RNMT: variants seen among roughly 807,000 people sequenced by gnomAD.
RNMT encodes the protein mRNA cap guanine-N(7) methyltransferase.
RNMT carries 27 observed loss-of-function variants against 56.0 expected under a neutral mutation model. The observed-to-expected ratio is 0.48, with a 90% CI of 0.36 to 0.67. RNMT has a LOEUF of 0.67. Among genes scored for constraint, RNMT ranks in the 30% least tolerant of loss-of-function variants. RNMT has a pLI of 0.00. For missense variants in RNMT, 519 were observed against 552.1 expected (o/e 0.94, Z 0.60); for synonymous variants, 184 against 176.2 (o/e 1.04, Z -0.35).
intron 9 of RNMT, among the ~76,000 whole-genome samples, chr18:13,750,873 C>T (rs1489246935): frequency 2.0e-5 from 3 of 151,990 alleles, no homozygotes; most frequent in Non-Finnish European, 4.4e-5. Context: ...GAAAGGATTC[C>T]CTATTTAATA....
intron 11 of RNMT, among the ~76,000 whole-genome samples, chr18:13,757,307 TGA>T (rs1353038392): frequency 6.6e-6 from 1 of 152,108 alleles, no homozygotes; most frequent in Non-Finnish European, 1.5e-5. Context: ...TTTGCCTCAT[TGA>T]TTGACCATTC....
In RNMT at chr18:13,744,159, C is replaced by CTTTTTTT. The variant is rs201093998; in HGVS notation, c.1139+1527_1139+1533dup. Among the ~76,000 whole-genome samples, 36 of 91,410 alleles carry CTTTTTTT rather than the reference C, an allele frequency of 3.9e-4. 3 individuals are homozygous for CTTTTTTT. The highest frequency in any genetic ancestry group is 6.8e-4 in the Non-Finnish European group (31 of 45,802). The allele number at this position is 91,410 out of a possible 152,430, so 60.0% of individuals were successfully genotyped here. A position where few individuals can be genotyped will look rare whatever the true frequency, so the allele number is the denominator to read the frequency against. ...ATGCTAAACAAGACCTAGCGGTCTT[C>CTTTTTTT]TTTTTTTTTTTTTTTTTTTTTTTTT... On this transcript the variant is annotated intron_variant, in intron 8 of 11. Coordinates refer to ENST00000383314, the MANE Select transcript of RNMT (RefSeq NM_003799.3).
Position 13,761,251 on chromosome 18 carries a change from A to C in RNMT, c.*1272A>C. 1.0e-6 allele frequency: 1 copy of C among 985,454 alleles called. No individual in the cohort carries two copies. The highest frequency in any genetic ancestry group is 1.2e-6 in the Non-Finnish European group (1 of 829,928). The allele number at this position is 985,454 out of a possible 1,614,324, so 61.0% of individuals were successfully genotyped here. A position where few individuals can be genotyped will look rare whatever the true frequency, so the allele number is the denominator to read the frequency against. ...CTTCTGCAGCCTGTGAATCTCCACA[A>C]AGTGTTACCAGTTTACAAAAATAAG... On this transcript the variant is annotated 3_prime_UTR_variant, in exon 12 of 12. Transcript: ENST00000383314.
At position 13,764,237 on chromosome 18, in the gene RNMT, G is replaced by A. The variant is rs575237604; in HGVS notation, c.*4258G>A. On this transcript the variant is annotated 3_prime_UTR_variant, in exon 12 of 12. Coordinates refer to ENST00000383314, the MANE Select transcript of RNMT (RefSeq NM_003799.3). Reference sequence around the variant, plus strand: ...TCATTTTGTTTAACTTTTTATTAAAGTGTAACTATAGAAACACATCAATGA... The same window carrying A: ...TCATTTTGTTTAACTTTTTATTAAAATGTAACTATAGAAACACATCAATGA... The A allele has an allele frequency of 2.0e-5, 3 of 152,258 alleles. No individual in the cohort carries two copies. Among genetic ancestry groups the A allele is most frequent in the Non-Finnish European group, 4.4e-5 (3 of 68,012 alleles). 9.4% of individuals were successfully genotyped at this position (152,258 alleles called of 1,614,324 possible).
Position 13,764,505 on chromosome 18 carries a change from C to T in RNMT, c.*4526C>T, listed in dbSNP as rs2044656548. The T allele has an allele frequency of 6.6e-6, 1 of 152,202 alleles. No individual in the cohort carries two copies. The highest frequency in any genetic ancestry group is 1.5e-5 in the Non-Finnish European group (1 of 68,052). 9.4% of individuals were successfully genotyped at this position (152,202 alleles called of 1,614,324 possible). Reference sequence around the variant, plus strand: ...GTATTTGTACATGGATTTTCATTCTCATGGTTGTATAATATTTCATTGTGT... The same window carrying T: ...GTATTTGTACATGGATTTTCATTCTTATGGTTGTATAATATTTCATTGTGT... On this transcript the variant is annotated 3_prime_UTR_variant, in exon 12 of 12. Transcript: ENST00000383314.
At chr18:13,753,784 A>AG (rs1474291545) in intron 10 of RNMT, among the ~76,000 whole-genome samples, 1 of 149,888 alleles carries the variant, frequency 6.7e-6, no homozygotes, top group East Asian at 2.0e-4. Context: ...AAAAGAAAAA[A>AG]AAAATAATAC....
rs2044252108 is a variant in RNMT at position 13,741,596 on chromosome 18, T to G, written c.879T>G (p.Ser293=). 1 of 1,613,838 alleles carries G rather than the reference T, an allele frequency of 6.2e-7. No homozygotes were observed. Among genetic ancestry groups the G allele is most frequent in the African/African-American group, 1.3e-5 (1 of 74,940 alleles). ...TTGTCTGTCATTACTCATTTGAGTC[T>G]TATGAGCAGGCTGACATGATGCTGA... ...CQFVCHYSFE[S]YEQADMMLRN... The change falls in exon 7 of 12, where the codon TCT becomes TCG. Residue 293 remains serine, a synonymous_variant. Coordinates refer to ENST00000383314, the MANE Select transcript of RNMT (RefSeq NM_003799.3).
intron 9 of RNMT, among the ~76,000 whole-genome samples, chr18:13,751,862 A>C (rs952127131): frequency 2.0e-5 from 3 of 152,072 alleles, no homozygotes; most frequent in Admixed American, 6.5e-5. Context: ...GCAAACTAAC[A>C]CAAGGACAGA....
chr18:13,758,109 T>C (rs551339294), intron 11 of RNMT, among the ~76,000 whole-genome samples: 5 of 152,326 alleles, frequency 3.3e-5, no homozygotes, highest in South Asian at 2.1e-4. Context: ...TGAACAGATA[T>C]GCTGTCATCC....
chr18:13,740,105 A>G (rs763352887), intron 5 of RNMT, 62 bp from the exon 6 acceptor site: 6 of 972,940 alleles, frequency 6.2e-6, no homozygotes, highest in Non-Finnish European at 9.9e-6. Context: ...GTCAGTTGAG[A>G]TCAATGTCTA....
intron 10 of RNMT, among the ~76,000 whole-genome samples, chr18:13,753,466 A>G (rs952127543): frequency 1.4e-5 from 2 of 145,394 alleles, no homozygotes; most frequent in African/African-American, 2.6e-5. Flanking sequence ...CTCTGTCTCA[A>G]AAAAAAGAAA....
At chr18:13,743,322 C>CAAAAA (rs55940639) in intron 8 of RNMT, among the ~76,000 whole-genome samples, 17 of 28,200 alleles carry the variant, frequency 6.0e-4, no homozygotes, top group African/African-American at 2.2e-3. Context: ...AACTCCGTCT[C>CAAAAA]AAAAAAAAAA....
chr18:13,731,038 A>G (rs2044057827), intron 2 of RNMT, among the ~76,000 whole-genome samples: 1 of 152,246 alleles, frequency 6.6e-6, no homozygotes, highest in Admixed American at 6.5e-5. Context: ...ATTCATACAT[A>G]GTATCAGTTA....
chr18:13,740,152 CT>C lies in RNMT; in HGVS notation c.680-13del. ...TTCTGTGTTGATACTTACTAATACC[CT>C]TCCATCCTTCCAGATATTGCCGATG... On this transcript the variant is annotated splice_polypyrimidine_tract_variant and intron_variant, in intron 5 of 11. Coordinates refer to ENST00000383314, the MANE Select transcript of RNMT (RefSeq NM_003799.3). The C allele has an allele frequency of 6.7e-7, 1 of 1,485,778 alleles. No individual in the cohort carries two copies. The highest frequency in any genetic ancestry group is 9.4e-7 in the Non-Finnish European group (1 of 1,064,184). The allele number at this position is 1,485,778 out of a possible 1,614,324, so 92.0% of individuals were successfully genotyped here.
intron 9 of RNMT, among the ~76,000 whole-genome samples, chr18:13,752,084 C>T (rs772863526): frequency 1.3e-5 from 2 of 151,522 alleles, no homozygotes; most frequent in Admixed American, 6.6e-5. Flanking sequence ...TAAACCTGAA[C>T]GATTTGCACA....
rs779694358 is a variant in RNMT at position 13,763,044 on chromosome 18, G to C, written c.*3065G>C. The stretch of plus-strand genomic sequence containing the variant: ...GAGGGTCTCTAGGGTCTGCAAAATA[G>C]AGGCCAAATCCAGGGACCAGGCCCT... On this transcript the variant is annotated 3_prime_UTR_variant, in exon 12 of 12. Coordinates refer to ENST00000383314, the MANE Select transcript of RNMT (RefSeq NM_003799.3). 5.3e-5 allele frequency: 24 copies of C among 455,834 alleles called. No individual in the cohort carries two copies. The highest frequency in any genetic ancestry group is 1.1e-4 in the Non-Finnish European group (24 of 226,750). 28.2% of individuals were successfully genotyped at this position (455,834 alleles called of 1,614,324 possible).
chr18:13,745,565 T>C (rs954926077), intron 8 of RNMT, among the ~76,000 whole-genome samples: 3 of 152,172 alleles, frequency 2.0e-5, no homozygotes, highest in Non-Finnish European at 4.4e-5. Flanking sequence ...AGCAGTGATG[T>C]TCAGCCTTAG....
chr18:13,759,810 G>C, intron 11 of RNMT, 132 bp from the exon 12 acceptor site: 1 of 687,420 alleles, frequency 1.5e-6, no homozygotes, highest in Non-Finnish European at 2.5e-6. Flanking sequence ...GGAACTCTTA[G>C]AATTAATGGG....
chr18:13,762,211 A>G lies in RNMT; in HGVS notation c.*2232A>G. 6.8e-7 allele frequency: 1 copy of G among 1,477,888 alleles called. No homozygotes were observed. The highest frequency in any genetic ancestry group is 1.7e-4 in the Middle Eastern group (1 of 5,722). The allele number at this position is 1,477,888 out of a possible 1,614,324, so 91.5% of individuals were successfully genotyped here. The stretch of plus-strand genomic sequence containing the variant: ...ACCAGCTATTGGTGGGAATGACGGA[A>G]CTGGGGATTGCGATGATTGATCTGG... On this transcript the variant is annotated 3_prime_UTR_variant, in exon 12 of 12. Coordinates refer to ENST00000383314, the MANE Select transcript of RNMT (RefSeq NM_003799.3).
Sources: gnomAD v4.1 joint callset for allele counts (sites outside exome capture counted in the v4.1 genomes callset) on GRCh38, gnomAD v4.1.1 for gene constraint, MANE v1.5 for transcripts, NCBI Gene and HGNC (gene_info 2026-07-23, HGNC 2026-07-21) for gene names.